PPP2R2B: variants seen among roughly 807,000 people sequenced by gnomAD.
PPP2R2B encodes serine/threonine-protein phosphatase 2A 55 kDa regulatory subunit B beta isoform.
In PPP2R2B, 5 loss-of-function variants were observed where a neutral mutation model predicts 46.0. The observed-to-expected ratio is 0.11, with a 90% confidence interval of 0.06 to 0.23. The LOEUF is 0.23. Among genes scored for constraint, PPP2R2B ranks in the 10% least tolerant of loss-of-function variants. The pLI is 1.00. For synonymous variants in PPP2R2B, 215 were observed against 206.7 expected, an observed-to-expected ratio of 1.04 and a Z score of -0.34; for missense variants, 367 against 575.0, an observed-to-expected ratio of 0.64 and a Z score of 3.70.
chr5:146,630,017 T>C (rs546727037), intron 7 of PPP2R2B, among the ~76,000 whole-genome samples: 1 of 152,346 alleles, frequency 6.6e-6, no homozygotes, highest in African/African-American at 2.4e-5. Flanking sequence ...TTTTGCCATG[T>C]TGGCCAGGCT....
intron 2 of PPP2R2B, among the ~76,000 whole-genome samples, chr5:147,063,273 C>T (rs1008533181): frequency 6.6e-6 from 1 of 151,876 alleles, no homozygotes; most frequent in Non-Finnish European, 1.5e-5. Context: ...AGAATTTGCA[C>T]GTGTGAAGAT....
chr5:146,771,237 A>G (rs1754836295), intron 2 of PPP2R2B, among the ~76,000 whole-genome samples: 1 of 152,156 alleles, frequency 6.6e-6, no homozygotes, highest in Non-Finnish European at 1.5e-5. Flanking sequence ...GAGCAGTGAA[A>G]TACCTCTTTG....
intron 7 of PPP2R2B, among the ~76,000 whole-genome samples, chr5:146,625,033 T>C (rs1773953332): frequency 6.6e-6 from 1 of 152,258 alleles, no homozygotes; most frequent in Non-Finnish European, 1.5e-5. Context: ...ATGATTTTCC[T>C]AGTGCCTGGA....
chr5:146,607,372 A>G (rs1382945172), intron 7 of PPP2R2B, among the ~76,000 whole-genome samples: 1 of 152,202 alleles, frequency 6.6e-6, no homozygotes, highest in African/African-American at 2.4e-5. Context: ...TTTAGATCGT[A>G]TTAAGACTCA....
At chr5:147,003,925 A>C (rs1027899186) in intron 1 of PPP2R2B, among the ~76,000 whole-genome samples, 1 of 152,164 alleles carries the variant, frequency 6.6e-6, no homozygotes, top group African/African-American at 2.4e-5. Flanking sequence ...AGATAAATTT[A>C]TTACCCAATC....
chr5:146,954,026 G>C (rs975263360), intron 1 of PPP2R2B, among the ~76,000 whole-genome samples: 1 of 152,066 alleles, frequency 6.6e-6, no homozygotes, highest in Admixed American at 6.6e-5. Flanking sequence ...GGTAGACTTG[G>C]GGGGCAGGTG....
At chr5:146,631,933 G>A (rs140564901) in intron 7 of PPP2R2B, among the ~76,000 whole-genome samples, 142 of 152,186 alleles carry the variant, frequency 9.3e-4, no homozygotes, top group Non-Finnish European at 1.5e-3. Context: ...GGAGGAAGGT[G>A]TCAACATCAG....
intron 1 of PPP2R2B, among the ~76,000 whole-genome samples, chr5:147,038,360 C>A (rs575798105): frequency 6.6e-6 from 1 of 152,060 alleles, no homozygotes; most frequent in African/African-American, 2.4e-5. Context: ...TATATAGTGT[C>A]CCCTGGGGAT....
intron 1 of PPP2R2B, among the ~76,000 whole-genome samples, chr5:146,975,311 C>T (rs1463999703): frequency 1.3e-5 from 2 of 152,236 alleles, no homozygotes; most frequent in African/African-American, 2.4e-5. Context: ...CAAGATCCAT[C>T]CATGTTATAG....
At chr5:147,061,234 C>T (rs1276799893) in intron 2 of PPP2R2B, among the ~76,000 whole-genome samples, 5 of 151,862 alleles carry the variant, frequency 3.3e-5, no homozygotes, top group Non-Finnish European at 5.9e-5. Context: ...ATTACATGAA[C>T]AAGGTTATTT....
chr5:146,981,826 A>G (rs1302765588), intron 1 of PPP2R2B, among the ~76,000 whole-genome samples: 4 of 152,268 alleles, frequency 2.6e-5, no homozygotes, highest in East Asian at 3.9e-4. Flanking sequence ...TGTTATATAA[A>G]TGGAATTGAG....
chr5:147,008,223 A>AT (rs1754540572), intron 1 of PPP2R2B, among the ~76,000 whole-genome samples: 1 of 152,106 alleles, frequency 6.6e-6, no homozygotes, highest in African/African-American at 2.4e-5. Context: ...TAGTTGTCAA[A>AT]TTTTTTAATA....
intron 2 of PPP2R2B, among the ~76,000 whole-genome samples, chr5:146,872,854 C>A (rs899360546): frequency 1.3e-5 from 2 of 152,206 alleles, no homozygotes; most frequent in African/African-American, 4.8e-5. Flanking sequence ...TCATACCAAG[C>A]CAAGATCCAC....
chr5:146,733,387 A>G (rs1752346013), intron 2 of PPP2R2B, among the ~76,000 whole-genome samples: 1 of 152,246 alleles, frequency 6.6e-6, no homozygotes, highest in African/African-American at 2.4e-5. Flanking sequence ...GTTTCAACAC[A>G]GCAGATACCC....
At chr5:146,669,986 TTC>T in intron 5 of PPP2R2B, among the ~76,000 whole-genome samples, 1 of 152,306 alleles carries the variant, frequency 6.6e-6, no homozygotes, top group African/African-American at 2.4e-5. Context: ...AGCTTCAGGT[TTC>T]TCTCTGCAGT....
chr5:146,701,785 A>G (rs1779554180), intron 2 of PPP2R2B, among the ~76,000 whole-genome samples: 1 of 152,166 alleles, frequency 6.6e-6, no homozygotes, highest in Non-Finnish European at 1.5e-5. Context: ...ACAAGGTCAT[A>G]AGGGCAGAGA....
At chr5:146,795,660 TA>T (rs1756485169) in intron 2 of PPP2R2B, among the ~76,000 whole-genome samples, 1 of 152,130 alleles carries the variant, frequency 6.6e-6, no homozygotes, top group South Asian at 2.1e-4. Context: ...CACATATGCA[TA>T]AAACAAAACA....
At chr5:146,728,818 C>T (rs1752045147) in intron 2 of PPP2R2B, among the ~76,000 whole-genome samples, 1 of 152,168 alleles carries the variant, frequency 6.6e-6, no homozygotes, top group African/African-American at 2.4e-5. Context: ...TGCCTATTGC[C>T]ATGATTCTGA....
At chr5:147,016,666 T>C (rs1192467465) in intron 1 of PPP2R2B, among the ~76,000 whole-genome samples, 1 of 139,032 alleles carries the variant, frequency 7.2e-6, no homozygotes, top group African/African-American at 2.7e-5. Flanking sequence ...AATCCTTCTG[T>C]GTTGGGAAAA....
Sources: gnomAD v4.1 joint callset for allele counts (sites outside exome capture counted in the v4.1 genomes callset) on GRCh38, gnomAD v4.1.1 for gene constraint, MANE v1.5 for transcripts, NCBI Gene and HGNC (gene_info 2026-07-23, HGNC 2026-07-21) for gene names.